The following SGSM3 variants were observed in gnomAD, a reference collection of about 807,000 sequenced individuals.
SGSM3 encodes RUN and SH3 containing 3.
A neutral mutation model predicts 100.5 loss-of-function variants in SGSM3; 96 were observed. The observed-to-expected ratio is 0.96, with a 90% confidence interval of 0.81 to 1.13. The LOEUF (loss-of-function observed/expected upper bound fraction) is 1.13, where lower values mean the gene tolerates loss of function less well. SGSM3 is among the 50% of genes most tolerant of loss of function. SGSM3 has a pLI of 0.00. For synonymous variants in SGSM3, 483 were observed against 422.8 expected, an observed-to-expected ratio of 1.14 and a Z score of -1.75; for missense variants, 1,001 against 1,015.8, an observed-to-expected ratio of 0.99 and a Z score of 0.20.
At chr22:40,373,728 G>A (rs1379006716) in intron 1 of SGSM3, among the ~76,000 whole-genome samples, 1 of 150,878 alleles carries the variant, frequency 6.6e-6, no homozygotes. Flanking sequence ...CAGTTCTCCT[G>A]CCTCAGCCTC....
At chr22:40,388,023 C>A (rs1161796594) in intron 1 of SGSM3, 3 of 152,138 alleles carry the variant, frequency 2.0e-5, no homozygotes, top group African/African-American at 7.2e-5. Context: ...CTCAGTCTCG[C>A]CTAAAGGAAC....
At chr22:40,380,981 T>G (rs2047468545) in intron 1 of SGSM3, among the ~76,000 whole-genome samples, 1 of 152,148 alleles carries the variant, frequency 6.6e-6, no homozygotes, top group Admixed American at 6.6e-5. Context: ...AGCTTCTATT[T>G]TTGTAAATTG....
At position 40,407,738 on chromosome 22, in the gene SGSM3, G is replaced by A. The variant is rs56236935; in HGVS notation, c.1525-51G>A. ...GAGTCATATCGGGGGTGCAGGAGGC[G>A]CTGGCCCAGGGCACCCAGCTTTGGT... On this transcript the variant is annotated intron_variant, in intron 13 of 21. Transcript: ENST00000248929. The surrounding 1 kb of genome is among the most constrained non-coding windows in gnomAD (Gnocchi z 4.7). 2.5e-5 allele frequency: 40 copies of A among 1,604,412 alleles called. No individual in the cohort carries two copies. The highest frequency in any genetic ancestry group is 1.3e-4 in the Admixed American group (8 of 59,992).
In SGSM3 at chr22:40,407,788, G is replaced by A; in HGVS notation, c.1525-1G>A. On this transcript the variant is annotated splice_acceptor_variant, in intron 13 of 21. Transcript: ENST00000248929. LOFTEE classifies it high-confidence loss of function. The surrounding 1 kb of genome is among the most constrained non-coding windows in gnomAD (Gnocchi z 4.7). The stretch of plus-strand genomic sequence containing the variant: ...TTCCTGCTGTTTTTCCTCCTGTGCA[G>A]ATCGTGTCTCAGAAGGACGAGCACT... 2 of 1,614,092 alleles carry A rather than the reference G, an allele frequency of 1.2e-6. No individual in the cohort carries two copies. The highest frequency in any genetic ancestry group is 1.7e-6 in the Non-Finnish European group (2 of 1,180,016).
intron 4 of SGSM3, among the ~76,000 whole-genome samples, chr22:40,403,819 C>T (rs1415630925): frequency 2.6e-5 from 4 of 152,106 alleles, no homozygotes; most frequent in Non-Finnish European, 5.9e-5. Context: ...AGCAGGAGGG[C>T]CACTGCAGTG....
In SGSM3 at chr22:40,401,519, T is replaced by A. The variant is rs987234692; in HGVS notation, c.8-74T>A. ...CCTCGGCCTCCCAAAGTACTGAGAT[T>A]ACAGGCGTGAGCCACTGCGCCTGGC... On this transcript the variant is annotated intron_variant, in intron 2 of 21. Coordinates refer to ENST00000248929, the MANE Select transcript of SGSM3 (RefSeq NM_015705.6). 11 of 1,196,190 alleles carry A rather than the reference T, an allele frequency of 9.2e-6. No homozygotes were observed. In the Admixed American group the frequency reaches 1.9e-4, roughly 21 times the overall value. The allele number at this position is 1,196,190 out of a possible 1,614,324, so 74.1% of individuals were successfully genotyped here.
At chr22:40,402,827 G>A (rs1317454692) in intron 4 of SGSM3, among the ~76,000 whole-genome samples, 3 of 152,154 alleles carry the variant, frequency 2.0e-5, no homozygotes, top group Admixed American at 1.3e-4. Flanking sequence ...TTCTATAACT[G>A]AGTCTCTAGT....
At position 40,408,615 on chromosome 22, in the gene SGSM3, C is replaced by T. The variant is rs749557259; in HGVS notation, c.1783-12C>T. On this transcript the variant is annotated splice_polypyrimidine_tract_variant and intron_variant, in intron 16 of 21. Transcript: ENST00000248929. ...CCTGTCCCTGCACTCACACCGTGTG[C>T]TGTCCCCACAGGCTGCAGGCCGGGA... The T allele has an allele frequency of 1.2e-6, 2 of 1,613,598 alleles. No individual in the cohort carries two copies. The highest frequency in any genetic ancestry group is 8.5e-7 in the Non-Finnish European group (1 of 1,179,882).
rs189246614 is a variant in SGSM3 at position 40,400,372 on chromosome 22, G to A, written c.-111-324G>A. ...AGGAAGTAAAGGCTTGGCCGGGCGCGGTGGCTCATGCTTGTAATCCCAGCA... is the reference window on the plus strand; with the variant it reads ...AGGAAGTAAAGGCTTGGCCGGGCGCAGTGGCTCATGCTTGTAATCCCAGCA... On this transcript the variant is annotated intron_variant, in intron 1 of 21. Transcript: ENST00000248929. Among the ~76,000 whole-genome samples the A allele has an allele frequency of 4.3e-3, 657 of 152,234 alleles. 2 individuals carry two copies. Among genetic ancestry groups the A allele is most frequent in the Non-Finnish European group, 7.3e-3 (499 of 68,018 alleles).
In SGSM3 at chr22:40,409,792, G is replaced by C; in HGVS notation, c.*33G>C. Reference sequence around the variant, plus strand: ...CTCCCCAGCCCAACCTCGGGCCTGCGTCTGAGGTGGCCCAGGACCCCAAGC... The same window carrying C: ...CTCCCCAGCCCAACCTCGGGCCTGCCTCTGAGGTGGCCCAGGACCCCAAGC... On this transcript the variant is annotated 3_prime_UTR_variant, in exon 22 of 22. Transcript: ENST00000248929. The C allele has an allele frequency of 6.3e-7, 1 of 1,593,118 alleles. No homozygotes were observed. The highest frequency in any genetic ancestry group is 8.5e-7 in the Non-Finnish European group (1 of 1,174,294).
In SGSM3 at chr22:40,406,464, C is replaced by T; in HGVS notation, c.987C>T (p.Asn329=). The change falls in exon 10 of 22, where the codon AAC becomes AAT. Residue 329 remains asparagine, a synonymous_variant. Transcript: ENST00000248929. The part of the protein sequence containing the change: ...LKEEELIQSE[N]SASIFNTLSD... ...AGGAAGAGCTGATCCAGTCAGAGAA[C>T]TCGGCCTCCATCTTCAACACGCTAT... 1 of 1,594,866 alleles carries T rather than the reference C, an allele frequency of 6.3e-7. No individual in the cohort carries two copies. Among genetic ancestry groups the T allele is most frequent in the Middle Eastern group, 1.9e-4 (1 of 5,358 alleles).
intron 19 of SGSM3, 85 bp from the exon 20 acceptor site, chr22:40,409,163 TGA>T (rs2052177003): frequency 5.1e-6 from 8 of 1,557,492 alleles, no homozygotes; most frequent in African/African-American, 4.1e-5. Context: ...TGGGAGCTGC[TGA>T]GAGACAGGTC....
At chr22:40,379,275 T>C (rs2047175426) in intron 1 of SGSM3, 1 of 152,248 alleles carries the variant, frequency 6.6e-6, no homozygotes. Flanking sequence ...TGAATGAGTA[T>C]TTCCTCAACA....
At chr22:40,408,602 C>T (rs754921169) in intron 16 of SGSM3, 25 bp from the exon 17 acceptor site, 30 of 1,613,328 alleles carry the variant, frequency 1.9e-5, no homozygotes, top group African/African-American at 2.7e-5. Context: ...TGTCCCTGCA[C>T]TCACACCGTG....
chr22:40,397,939 C>A (rs73885699), intron 1 of SGSM3, among the ~76,000 whole-genome samples: 3 of 145,880 alleles, frequency 2.1e-5, no homozygotes, highest in Non-Finnish European at 4.5e-5. Flanking sequence ...TTATCACAAT[C>A]TATTTCTGTG....
rs118096177 is a variant in SGSM3 at position 40,398,924 on chromosome 22, C to G, written c.-111-1772C>G. ...GAAGTAAACTTGCCCACGGTTATAA[C>G]AAGTGGGCACAGGCCCACTCTGCTA... On this transcript the variant is annotated intron_variant, in intron 1 of 21. Coordinates refer to ENST00000248929, the MANE Select transcript of SGSM3 (RefSeq NM_015705.6). Among the ~76,000 whole-genome samples the G allele has an allele frequency of 1.8e-4, 25 of 139,750 alleles. 2 individuals carry two copies. The highest frequency in any genetic ancestry group is 6.3e-4 in the African/African-American group (24 of 38,028). The allele number at this position is 139,750 out of a possible 152,430, so 91.7% of individuals were successfully genotyped here.
intron 1 of SGSM3, among the ~76,000 whole-genome samples, chr22:40,379,968 C>T (rs1246486172): frequency 6.6e-6 from 1 of 152,138 alleles, no homozygotes; most frequent in Admixed American, 6.5e-5. Flanking sequence ...TCCTCGGCCT[C>T]CTAAAGTGCT....
At chr22:40,399,286 A>G (rs1343725288) in intron 1 of SGSM3, among the ~76,000 whole-genome samples, 3 of 152,004 alleles carry the variant, frequency 2.0e-5, no homozygotes, top group Non-Finnish European at 4.4e-5. Context: ...GCGCCCAGCC[A>G]AGATGTCTTT....
Position 40,406,239 on chromosome 22 carries a change from A to C in SGSM3, c.960+16A>C, listed in dbSNP as rs758691454. 8.1e-6 allele frequency: 13 copies of C among 1,613,110 alleles called. No individual in the cohort carries two copies. Among genetic ancestry groups the C allele is most frequent in the South Asian group, 1.1e-5 (1 of 91,068 alleles). On this transcript the variant is annotated intron_variant, in intron 9 of 21. Transcript: ENST00000248929. ...GCACCTCAAGGTGCTCCACGGCCCCACTTCAGGCTGAGGAGTAGGCACCCG... is the reference window on the plus strand; with the variant it reads ...GCACCTCAAGGTGCTCCACGGCCCCCCTTCAGGCTGAGGAGTAGGCACCCG...
Sources: gnomAD v4.1 joint callset for allele counts (sites outside exome capture counted in the v4.1 genomes callset) on GRCh38, gnomAD v4.1.1 for gene constraint, Gnocchi (gnomAD v3.1) non-coding constraint, MANE v1.5 for transcripts, NCBI Gene and HGNC (gene_info 2026-07-23, HGNC 2026-07-21) for gene names.